BAIAP2: variants seen among roughly 807,000 people sequenced by gnomAD.
BAIAP2 encodes BAR/IMD domain-containing adapter protein 2.
BAIAP2 carries 18 observed loss-of-function variants against 63.0 expected under a neutral mutation model. The observed-to-expected ratio is 0.29, with a 90% CI of 0.20 to 0.42. The LOEUF is 0.42. BAIAP2 is among the 10% of genes least tolerant of loss of function. The probability of loss-of-function intolerance (pLI) is 1.00; values close to 1 mark genes in which losing one functional copy is unlikely to be tolerated. For synonymous variants in BAIAP2, 386 were observed against 307.6 expected, an observed-to-expected ratio of 1.25 and a Z score of -2.67; for missense variants, 610 against 734.3, an observed-to-expected ratio of 0.83 and a Z score of 1.96.
intron 3 of BAIAP2, among the ~76,000 whole-genome samples, chr17:81,077,478 T>G (rs1350011786): frequency 6.6e-6 from 1 of 151,486 alleles, no homozygotes; most frequent in African/African-American, 2.4e-5. Context: ...TGAGGCAGGA[T>G]AATCACTTGA....
At chr17:81,088,143 G>T (rs1318011253) in intron 6 of BAIAP2, among the ~76,000 whole-genome samples, 1 of 152,116 alleles carries the variant, frequency 6.6e-6, no homozygotes, top group Non-Finnish European at 1.5e-5. Context: ...CACCCCTGCG[G>T]CCTGGAGGGC....
At chr17:81,100,252 CAG>C (rs2058307322) in intron 7 of BAIAP2, among the ~76,000 whole-genome samples, 172 bp downstream of exon 7, 1 of 152,238 alleles carries the variant, frequency 6.6e-6, no homozygotes, top group Non-Finnish European at 1.5e-5. Context: ...TACCAGGTCA[CAG>C]GGTGCAGGCA....
At chr17:81,048,356 CAAAAAAAAAAAAAA>C (rs5822388) in intron 1 of BAIAP2, among the ~76,000 whole-genome samples, 3 of 90,224 alleles carry the variant, frequency 3.3e-5, no homozygotes, top group Admixed American at 2.4e-4. Context: ...GACTCTGTCT[CAAAAAAAAAAAAAA>C]AAAAAAAAAA....
chr17:81,093,779 A>C (rs2057194560), intron 6 of BAIAP2, among the ~76,000 whole-genome samples: 1 of 152,154 alleles, frequency 6.6e-6, no homozygotes, highest in Non-Finnish European at 1.5e-5. Context: ...TATAATTAAC[A>C]CAGCAGAGAC....
chr17:81,102,213 C>T (rs537775167), intron 7 of BAIAP2, among the ~76,000 whole-genome samples: 3 of 152,182 alleles, frequency 2.0e-5, no homozygotes, highest in South Asian at 4.1e-4. Context: ...CAGGGCAGTT[C>T]GTAGTAGCTC....
At chr17:81,059,695 C>T (rs2050213903) in intron 3 of BAIAP2, among the ~76,000 whole-genome samples, 1 of 152,216 alleles carries the variant, frequency 6.6e-6, no homozygotes, top group Non-Finnish European at 1.5e-5. Context: ...AAGTGATCTT[C>T]CCACCTTAGC....
At chr17:81,061,926 C>G (rs984413893) in intron 3 of BAIAP2, among the ~76,000 whole-genome samples, 7 of 152,026 alleles carry the variant, frequency 4.6e-5, no homozygotes, top group African/African-American at 1.4e-4. Context: ...TCTGGTGGGC[C>G]TTTCCTTTTT....
intron 1 of BAIAP2, among the ~76,000 whole-genome samples, chr17:81,042,297 C>T (rs2047193471): frequency 6.8e-6 from 1 of 147,554 alleles, no homozygotes; most frequent in Non-Finnish European, 1.5e-5. Context: ...CGTGCCCCAC[C>T]TGTGTGCCTG....
rs979661863 is a variant in BAIAP2 at position 81,108,420 on chromosome 17, G to T, written c.1501-55G>T. 63 of 1,592,562 alleles carry T rather than the reference G, an allele frequency of 4.0e-5. 1 individual carries two copies. The East Asian group carries it at 1.4e-3, about 36-fold the overall frequency. On this transcript the variant is annotated intron_variant, in intron 12 of 13. Coordinates refer to ENST00000428708, the MANE Select transcript of BAIAP2 (RefSeq NM_001144888.2). The stretch of plus-strand genomic sequence containing the variant: ...TGTGGGTGTGTACAGGCAGCGGGTG[G>T]GGGTGACCACAGGCCCCGTCACCCG...
At chr17:81,037,912 CAG>C (rs1261701931) in intron 1 of BAIAP2, among the ~76,000 whole-genome samples, 2 of 152,278 alleles carry the variant, frequency 1.3e-5, no homozygotes, top group Non-Finnish European at 2.9e-5. Flanking sequence ...ATCCGTAACG[CAG>C]ACTTTGACCT....
At chr17:81,105,985 G>T (rs2059137640) in intron 10 of BAIAP2, 93 bp from the exon 11 acceptor site, 17 of 1,113,500 alleles carry the variant, frequency 1.5e-5, no homozygotes, top group Non-Finnish European at 2.2e-5. Flanking sequence ...AGCCATGCTG[G>T]GGAGCTAGAG....
At chr17:81,093,357 A>G (rs2057117864) in intron 6 of BAIAP2, among the ~76,000 whole-genome samples, 2 of 151,912 alleles carry the variant, frequency 1.3e-5, no homozygotes, top group South Asian at 4.2e-4. Context: ...TGCCCTGTCC[A>G]CTCACCACCT....
chr17:81,047,407 C>A (rs2047972333), intron 1 of BAIAP2, among the ~76,000 whole-genome samples: 1 of 152,226 alleles, frequency 6.6e-6, no homozygotes, highest in African/African-American at 2.4e-5. Flanking sequence ...AGGGTCCTAG[C>A]ATCGACTCTT....
intron 3 of BAIAP2, chr17:81,083,230 G>T (rs2054940159): frequency 6.6e-6 from 1 of 152,360 alleles, no homozygotes; most frequent in Admixed American, 6.5e-5. Flanking sequence ...CCTAGTGGGG[G>T]TTCTGCTCGC....
intron 3 of BAIAP2, among the ~76,000 whole-genome samples, chr17:81,077,690 G>T (rs2053887508): frequency 6.6e-6 from 1 of 152,270 alleles, no homozygotes; most frequent in Admixed American, 6.5e-5. Flanking sequence ...TGGTGGTGCT[G>T]AGTATGCGGG....
At chr17:81,059,486 C>T (rs766385779) in intron 3 of BAIAP2, among the ~76,000 whole-genome samples, 9 of 152,314 alleles carry the variant, frequency 5.9e-5, no homozygotes, top group Non-Finnish European at 1.0e-4. Context: ...CTTGCTCTGT[C>T]GCCCAGGCTG....
At chr17:81,083,596 T>G (rs953904727) in intron 3 of BAIAP2, 2 of 152,084 alleles carry the variant, frequency 1.3e-5, no homozygotes, top group East Asian at 3.9e-4. Flanking sequence ...GTGGCATGCT[T>G]CTGTCCCATG....
intron 3 of BAIAP2, among the ~76,000 whole-genome samples, chr17:81,067,048 C>A (rs1051044676): frequency 2.6e-5 from 4 of 152,250 alleles, no homozygotes; most frequent in African/African-American, 7.2e-5. Context: ...GGTCCCGGAC[C>A]TCCAGCACAG....
intron 2 of BAIAP2, among the ~76,000 whole-genome samples, chr17:81,055,574 G>GTTTTTTGTTTTTTTTTGTTTTT (rs370775327): frequency 0.34 from 41,907 of 123,348 alleles, 7,447 homozygotes; most frequent in East Asian, 0.44. Context: ...AGGGTGTTTT[G>GTTTTTTGTTTTTTTTTGTTTTT]TTTTTTTTTG....
Sources: allele counts gnomAD v4.1 joint callset (sites outside exome capture counted in the v4.1 genomes callset), GRCh38; gene constraint gnomAD v4.1.1; transcripts MANE v1.5; gene names NCBI Gene and HGNC (gene_info 2026-07-23, HGNC 2026-07-21).